TJP1: variants seen among roughly 807,000 people sequenced by gnomAD.
TJP1 encodes tight junction protein 1, also known as tight junction protein ZO-1.
In TJP1, 43 loss-of-function variants were observed where a neutral mutation model predicts 194.2. The observed-to-expected ratio is 0.22, with a 90% CI of 0.17 to 0.29. TJP1 has a LOEUF of 0.29. TJP1 is among the 10% of genes least tolerant of loss of function. TJP1 has a pLI of 1.00. For synonymous variants in TJP1, 801 were observed against 779.0 expected, an observed-to-expected ratio of 1.03 and a Z score of -0.47; for missense variants, 1,971 against 2,185.7, an observed-to-expected ratio of 0.90 and a Z score of 1.96.
chr15:29,733,772 C>T (rs925018278), intron 12 of TJP1, among the ~76,000 whole-genome samples: 3 of 152,122 alleles, frequency 2.0e-5, no homozygotes, highest in African/African-American at 7.2e-5. Context: ...AGGAATGCCC[C>T]TAAACATCCA....
intron 2 of TJP1, among the ~76,000 whole-genome samples, chr15:29,863,152 TG>T (rs2052157837): frequency 6.6e-6 from 1 of 151,466 alleles, no homozygotes; most frequent in Admixed American, 6.6e-5. Context: ...AAAAATTAGC[TG>T]GGTGTGGTGG....
At chr15:29,856,952 T>C (rs187333973) in intron 2 of TJP1, among the ~76,000 whole-genome samples, 20 of 152,254 alleles carry the variant, frequency 1.3e-4, no homozygotes, top group South Asian at 4.1e-4. Context: ...AACAATTATA[T>C]ACAGAGCATT....
At chr15:29,760,163 G>C (rs1017900344) in intron 8 of TJP1, 29 of 699,596 alleles carry the variant, frequency 4.1e-5, no homozygotes, top group Non-Finnish European at 7.3e-5. Context: ...CATGTGGACT[G>C]CAGTTAACCA....
intron 2 of TJP1, among the ~76,000 whole-genome samples, chr15:29,796,208 A>T (rs1186278470): frequency 6.6e-6 from 1 of 152,086 alleles, no homozygotes; most frequent in African/African-American, 2.4e-5. Flanking sequence ...AAAGAAATAA[A>T]GAGCATTCAA....
intron 15 of TJP1, among the ~76,000 whole-genome samples, chr15:29,730,464 G>A (rs535505709): frequency 5.8e-4 from 88 of 152,014 alleles, no homozygotes; most frequent in African/African-American, 2.0e-3. Flanking sequence ...AGGCGTGTTG[G>A]CATGTGCCTG....
intron 2 of TJP1, among the ~76,000 whole-genome samples, chr15:29,926,530 T>A (rs988827210): frequency 1.3e-5 from 2 of 151,682 alleles, no homozygotes; most frequent in South Asian, 4.2e-4. Context: ...GAGAATTGCT[T>A]GAACCCGGGA....
At chr15:29,931,770 C>T (rs897882847) in intron 2 of TJP1, among the ~76,000 whole-genome samples, 1 of 152,182 alleles carries the variant, frequency 6.6e-6, no homozygotes, top group African/African-American at 2.4e-5. Context: ...AAAGTGAAAA[C>T]AAGTTTATTA....
intron 2 of TJP1, among the ~76,000 whole-genome samples, chr15:29,882,817 A>AAAGATTTGGCCC (rs1255211980): frequency 2.6e-5 from 4 of 152,120 alleles, no homozygotes; most frequent in African/African-American, 9.7e-5. Context: ...GTAACTAGAA[A>AAAGATTTGGCCC]AAGATTTGGC....
chr15:29,943,136 G>A (rs957718978), intron 2 of TJP1, among the ~76,000 whole-genome samples: 6 of 152,236 alleles, frequency 3.9e-5, no homozygotes, highest in Admixed American at 3.9e-4. Flanking sequence ...CTAGAAGATC[G>A]CCACAAGGGA....
chr15:29,814,553 T>C (rs2049769434), intron 1 of TJP1, among the ~76,000 whole-genome samples: 1 of 152,156 alleles, frequency 6.6e-6, no homozygotes. Flanking sequence ...TCCAAGATAA[T>C]GACAATTCCA....
At chr15:29,712,578 G>A (rs17750723) in intron 23 of TJP1, among the ~76,000 whole-genome samples, 5,970 of 152,166 alleles carry the variant, frequency 0.039, 296 homozygotes, top group East Asian at 0.18. Flanking sequence ...CTCTCATTTG[G>A]CCAAGGAAAT....
chr15:29,868,461 T>TA (rs1205150255), intron 2 of TJP1, among the ~76,000 whole-genome samples: 1 of 152,184 alleles, frequency 6.6e-6, no homozygotes, highest in Non-Finnish European at 1.5e-5. Flanking sequence ...CTCAGCGTTC[T>TA]AGAGGCCAAG....
At chr15:29,907,445 A>C (rs1370311826) in intron 2 of TJP1, among the ~76,000 whole-genome samples, 1 of 152,142 alleles carries the variant, frequency 6.6e-6, no homozygotes, top group African/African-American at 2.4e-5. Flanking sequence ...AGTGGTACAT[A>C]CATGTATTCA....
intron 2 of TJP1, among the ~76,000 whole-genome samples, chr15:29,783,613 T>C (rs530230359): frequency 1.3e-5 from 2 of 152,274 alleles, no homozygotes; most frequent in South Asian, 4.1e-4. Flanking sequence ...GTAAATGTAG[T>C]ATAACTATGC....
chr15:29,827,665 T>C (rs1178806034), intron 2 of TJP1, among the ~76,000 whole-genome samples: 1 of 152,214 alleles, frequency 6.6e-6, no homozygotes, highest in East Asian at 1.9e-4. Flanking sequence ...ATGCTGATAA[T>C]TCACATTTTT....
At position 29,796,352 on chromosome 15, in the gene TJP1, C is replaced by A. The variant is rs201549715; in HGVS notation, c.84+4294G>T. 5.7e-3 allele frequency among the ~76,000 whole-genome samples: 737 copies of A among 129,692 alleles called. 22 individuals carry two copies. The East Asian group carries it at 0.098, about 17-fold the overall frequency. The allele number at this position is 129,692 out of a possible 152,430, so 85.1% of individuals were successfully genotyped here. ...TGCAAGGTTGCTATAAAAAAAAAAA[C>A]AAAAAAAAACCTGCATTTCTACACA... On this transcript the variant is annotated intron_variant, in intron 2 of 27. Coordinates refer to ENST00000614355, the MANE Select transcript of TJP1 (RefSeq NM_001330239.4).
intron 2 of TJP1, among the ~76,000 whole-genome samples, chr15:29,790,824 T>C (rs1428257917): frequency 6.6e-6 from 1 of 151,870 alleles, no homozygotes; most frequent in Non-Finnish European, 1.5e-5. Flanking sequence ...GCTTATTTCA[T>C]TTAACGTAAT....
intron 2 of TJP1, among the ~76,000 whole-genome samples, chr15:29,850,498 A>G (rs1367867961): frequency 2.0e-5 from 3 of 151,838 alleles, no homozygotes; most frequent in Non-Finnish European, 4.4e-5. Context: ...CACCATGCCC[A>G]GCTAATTTTT....
chr15:29,764,355 G>A (rs1232750581), intron 5 of TJP1, among the ~76,000 whole-genome samples: 5 of 152,102 alleles, frequency 3.3e-5, no homozygotes, highest in African/African-American at 1.2e-4. Context: ...ATGCATCAAA[G>A]TAATGAAGAA....
Sources: allele counts gnomAD v4.1 joint callset (sites outside exome capture counted in the v4.1 genomes callset), GRCh38; gene constraint gnomAD v4.1.1; transcripts MANE v1.5; gene names NCBI Gene and HGNC (gene_info 2026-07-23, HGNC 2026-07-21).